Variants in CELSR1 observed in about 807,000 individuals in gnomAD.
CELSR1 encodes adhesion G protein-coupled receptor C1.
In CELSR1, 110 loss-of-function variants were observed where a neutral mutation model predicts 249.1. The observed-to-expected ratio is 0.44, with a 90% confidence interval of 0.38 to 0.52. The LOEUF (loss-of-function observed/expected upper bound fraction) is 0.52, where lower values mean the gene tolerates loss of function less well. CELSR1 is among the 20% of genes least tolerant of loss of function. The probability of loss-of-function intolerance (pLI) is 0.00; values close to 1 mark genes in which losing one functional copy is unlikely to be tolerated. For missense variants in CELSR1, 4,109 were observed against 4,296.4 expected, an observed-to-expected ratio of 0.96 and a Z score of 1.22; for synonymous variants, 2,113 against 1,900.0, an observed-to-expected ratio of 1.11 and a Z score of -2.92.
chr22:46,503,397 C>A (rs1016496050), intron 1 of CELSR1, among the ~76,000 whole-genome samples: 1 of 152,240 alleles, frequency 6.6e-6, no homozygotes, highest in Non-Finnish European at 1.5e-5. Context: ...AGCCTGGGTG[C>A]ACTGATCTCC....
At position 46,460,207 on chromosome 22, in the gene CELSR1, A is replaced by C. The variant is rs12172171; in HGVS notation, c.4183+3500T>G. Among the ~76,000 whole-genome samples the C allele has an allele frequency of 2.1e-4, 19 of 91,414 alleles. No individual in the cohort carries two copies. In the East Asian group the frequency reaches 2.1e-3, roughly 10 times the overall value. 60.0% of individuals were successfully genotyped at this position (91,414 alleles called of 152,430 possible). ...CACACACACACACACACACACACAC[A>C]CACACACACCCATTAGCTACAGTCC... On this transcript the variant is annotated intron_variant, in intron 2 of 34. Transcript: ENST00000674500.
intron 2 of CELSR1, among the ~76,000 whole-genome samples, chr22:46,461,232 T>C (rs750563109): frequency 2.4e-4 from 37 of 152,186 alleles, no homozygotes; most frequent in Non-Finnish European, 4.6e-4. Flanking sequence ...GAAATACATA[T>C]GATAATTTTG....
rs1026894103 is a variant in CELSR1, at chr22:46,374,595, G to A, written c.7585-1538C>T. The stretch of plus-strand genomic sequence containing the variant: ...AGCCGTGCGTGGCTGCCGGGACAGC[G>A]CTCACTCCGGCAGGCGACGAGTCAG... On this transcript the variant is annotated intron_variant, in intron 24 of 34. Coordinates refer to ENST00000674500, the MANE Select transcript of CELSR1 (RefSeq NM_001378328.1). This position sits in a 1 kb window ranked among gnomAD's most constrained non-coding sequence, Gnocchi z 4.3. Among the ~76,000 whole-genome samples the A allele has an allele frequency of 1.3e-5, 2 of 152,124 alleles. No individual in the cohort carries two copies. Among genetic ancestry groups the A allele is most frequent in the African/African-American group, 4.8e-5 (2 of 41,420 alleles).
Position 46,363,796 on chromosome 22 carries a change from G to T in CELSR1, c.9035+200C>A. 1 of 682,060 alleles carries T rather than the reference G, an allele frequency of 1.5e-6. No individual in the cohort carries two copies. The highest frequency in any genetic ancestry group is 2.9e-5 in the East Asian group (1 of 34,590). The allele number at this position is 682,060 out of a possible 1,614,324, so 42.3% of individuals were successfully genotyped here. ...AGGCCTGAGACGTGTCCCCAGGATAGGGGGTCTGCCCATCTCCGGGGTATC... is the reference window on the plus strand; with the variant it reads ...AGGCCTGAGACGTGTCCCCAGGATATGGGGTCTGCCCATCTCCGGGGTATC... On this transcript the variant is annotated intron_variant, in intron 34 of 34. Transcript: ENST00000674500. The surrounding 1 kb of genome is among the most constrained non-coding windows in gnomAD (Gnocchi z 4.3).
rs200276144 is a variant in CELSR1 at position 46,409,687 on chromosome 22, G to A, written c.5059+68C>T. 6.5e-5 allele frequency: 104 copies of A among 1,590,846 alleles called. No individual in the cohort carries two copies. The highest frequency in any genetic ancestry group is 3.3e-4 in the Middle Eastern group (2 of 6,024). On this transcript the variant is annotated intron_variant, in intron 8 of 34. Transcript: ENST00000674500. The surrounding 1 kb of genome is among the most constrained non-coding windows in gnomAD (Gnocchi z 9.8). ...TGTGAAGCCCCCTCACGGTGGTCCC[G>A]GGCACATCAAGGAGCAATGCCTCCC...
In CELSR1 at chr22:46,419,734, C is replaced by T. The variant is rs183688660; in HGVS notation, c.4612-7975G>A. Reference sequence around the variant, plus strand: ...CTCACACTCACGTGTGTACACTCACCCACACTCGTGCATACTCAAACCCAC... The same window carrying T: ...CTCACACTCACGTGTGTACACTCACTCACACTCGTGCATACTCAAACCCAC... On this transcript the variant is annotated intron_variant, in intron 5 of 34. Transcript: ENST00000674500. Among the ~76,000 whole-genome samples, 184 of 152,264 alleles carry T rather than the reference C, an allele frequency of 1.2e-3. 1 individual carries two copies. Among genetic ancestry groups the T allele is most frequent in the Non-Finnish European group, 2.3e-3 (157 of 67,992 alleles).
rs1018388520 is a variant in CELSR1, at chr22:46,440,810, A to C, written c.4184-1399T>G. On this transcript the variant is annotated intron_variant, in intron 2 of 34. Transcript: ENST00000674500. The surrounding 1 kb of genome is among the most constrained non-coding windows in gnomAD (Gnocchi z 4.7). ...AGAAATTTTTTGTCTGTATGTGATCATATTTATCCATTTTTTTCTTCATGG... is the reference window on the plus strand; with the variant it reads ...AGAAATTTTTTGTCTGTATGTGATCCTATTTATCCATTTTTTTCTTCATGG... Among the ~76,000 whole-genome samples the C allele has an allele frequency of 1.3e-5, 2 of 152,098 alleles. No homozygotes were observed. Among genetic ancestry groups the C allele is most frequent in the African/African-American group, 4.8e-5 (2 of 41,412 alleles).
At chr22:46,493,662 A>C (rs987002538) in intron 1 of CELSR1, among the ~76,000 whole-genome samples, 1 of 152,032 alleles carries the variant, frequency 6.6e-6, no homozygotes, top group Admixed American at 6.6e-5. Flanking sequence ...GCAGGGACCC[A>C]GTGGGAGGTA....
In CELSR1 at chr22:46,455,127, G is replaced by A. The variant is rs760113363; in HGVS notation, c.4183+8580C>T. Among the ~76,000 whole-genome samples the A allele has an allele frequency of 3.3e-5, 5 of 152,318 alleles. No homozygotes were observed. In the East Asian group the frequency reaches 5.8e-4, roughly 18 times the overall value. ...CACCTGGGGCTACCAGAAACTGGAC[G>A]AGGCCAGGAGAGGCCCTCTCCTAAA... On this transcript the variant is annotated intron_variant, in intron 2 of 34. Coordinates refer to ENST00000674500, the MANE Select transcript of CELSR1 (RefSeq NM_001378328.1).
Position 46,428,094 on chromosome 22 carries a change from T to A in CELSR1, c.4611+5299A>T, listed in dbSNP as rs183123096. Among the ~76,000 whole-genome samples the A allele has an allele frequency of 3.0e-4, 46 of 152,260 alleles. 1 individual carries two copies. Among genetic ancestry groups the A allele is most frequent in the Admixed American group, 3.0e-3 (46 of 15,306 alleles). ...GGACCTAGCGGTCATCTCAAGGTCA[T>A]GGAAATCTCAAAGCACTTACATCCT... On this transcript the variant is annotated intron_variant, in intron 5 of 34. Transcript: ENST00000674500. The surrounding 1 kb of genome is among the most constrained non-coding windows in gnomAD (Gnocchi z 5.7).
rs1260572375 is a variant in CELSR1 at position 46,402,909 on chromosome 22, C to G, written c.5227-3007G>C. Among the ~76,000 whole-genome samples the G allele has an allele frequency of 1.3e-5, 2 of 151,870 alleles. No individual in the cohort carries two copies. Among genetic ancestry groups the G allele is most frequent in the African/African-American group, 4.8e-5 (2 of 41,318 alleles). On this transcript the variant is annotated intron_variant, in intron 9 of 34. Coordinates refer to ENST00000674500, the MANE Select transcript of CELSR1 (RefSeq NM_001378328.1). The surrounding 1 kb of genome is among the most constrained non-coding windows in gnomAD (Gnocchi z 5.0). Reference sequence around the variant, plus strand: ...TATTAGCACACTGCTTATATTATACCTGAAATATAAGGATACAGAAAATGT... The same window carrying G: ...TATTAGCACACTGCTTATATTATACGTGAAATATAAGGATACAGAAAATGT...
rs556667259 is a variant in CELSR1 at position 46,427,761 on chromosome 22, A to T, written c.4611+5632T>A. On this transcript the variant is annotated intron_variant, in intron 5 of 34. Transcript: ENST00000674500. This position sits in a 1 kb window ranked among gnomAD's most constrained non-coding sequence, Gnocchi z 4.2. ...GGCACTCAATTAACATGGAAGGGAG[A>T]GAAGGAGGGAGGGAAAGGGAAGGCT... Among the ~76,000 whole-genome samples the T allele has an allele frequency of 2.6e-3, 403 of 152,124 alleles. 1 individual carries two copies. Among genetic ancestry groups the T allele is most frequent in the African/African-American group, 9.1e-3 (378 of 41,490 alleles).
In CELSR1 at chr22:46,533,598, C is replaced by A. The variant is rs201015333; in HGVS notation, c.3544+29G>T. On this transcript the variant is annotated intron_variant, in intron 1 of 34. Transcript: ENST00000674500. Reference sequence around the variant, plus strand: ...GGCTCTCCAGGAGGCCCATCAGGAGCTACTCCTCCCACCCCGACGGCCACT... The same window carrying A: ...GGCTCTCCAGGAGGCCCATCAGGAGATACTCCTCCCACCCCGACGGCCACT... The A allele has an allele frequency of 5.6e-4, 848 of 1,526,450 alleles. 7 individuals carry two copies. In the African/African-American group the frequency reaches 0.011, roughly 20 times the overall value. The allele number at this position is 1,526,450 out of a possible 1,614,324, so 94.6% of individuals were successfully genotyped here.
chr22:46,444,148 C>T (rs970109343), intron 2 of CELSR1, among the ~76,000 whole-genome samples: 2 of 152,220 alleles, frequency 1.3e-5, no homozygotes, highest in Admixed American at 6.5e-5. Context: ...CGTAGCTTCC[C>T]GGTCCCACCT....
At position 46,536,561 on chromosome 22, in the gene CELSR1, T is replaced by G; in HGVS notation, c.610A>C (p.Thr204Pro). ...GGCGACGCGGAGGGCGTCCCCGCGG[T>G]GGCGGCCTCCAGCGCCAGTCCCACC... ...VRVGLALEAA[T>P]AGTPSASPSP... Residue 204 changes from threonine to proline, a missense_variant, in exon 1 of 35, where the codon ACC becomes CCC. Coordinates refer to ENST00000674500, the MANE Select transcript of CELSR1 (RefSeq NM_001378328.1). The G allele has an allele frequency of 7.6e-7, 1 of 1,322,080 alleles. No individual in the cohort carries two copies. Among genetic ancestry groups the G allele is most frequent in the Non-Finnish European group, 9.6e-7 (1 of 1,042,450 alleles). The allele number at this position is 1,322,080 out of a possible 1,614,324, so 81.9% of individuals were successfully genotyped here.
Position 46,417,470 on chromosome 22 carries a change from A to G in CELSR1, c.4612-5711T>C, listed in dbSNP as rs761674008. ...TCCGCCAGGTAGCCACCCTCTACAC[A>G]GGGGCTGCCGGCTGCTTTTGATGAC... On this transcript the variant is annotated intron_variant, in intron 5 of 34. Transcript: ENST00000674500. This position sits in a 1 kb window ranked among gnomAD's most constrained non-coding sequence, Gnocchi z 4.1. Among the ~76,000 whole-genome samples, 3 of 152,116 alleles carry G rather than the reference A, an allele frequency of 2.0e-5. No individual in the cohort carries two copies. Among genetic ancestry groups the G allele is most frequent in the Admixed American group, 2.0e-4 (3 of 15,272 alleles).
At chr22:46,491,277 T>TC (rs1207884978) in intron 1 of CELSR1, among the ~76,000 whole-genome samples, 1 of 151,012 alleles carries the variant, frequency 6.6e-6, no homozygotes, top group East Asian at 1.9e-4. Flanking sequence ...TTTTTTTTTT[T>TC]TTTTGAGACA....
At chr22:46,463,635 A>T in intron 2 of CELSR1, 72 bp downstream of exon 2, 1 of 1,416,898 alleles carries the variant, frequency 7.1e-7, no homozygotes, top group Non-Finnish European at 9.2e-7. Context: ...TAAACAGAGG[A>T]AACCACCTGA....
At position 46,488,319 on chromosome 22, in the gene CELSR1, T is replaced by C. The variant is rs924933438; in HGVS notation, c.3545-23974A>G. 6.6e-6 allele frequency among the ~76,000 whole-genome samples: 1 copy of C among 151,862 alleles called. No individual in the cohort carries two copies. The highest frequency in any genetic ancestry group is 2.4e-5 in the African/African-American group (1 of 41,310). ...CCCTGCCCTCCTGGGGACAGGGGGA[T>C]GGTCTTGGGGGATGAGAGTCCCACT... is the stretch of plus-strand genomic sequence containing the variant. On this transcript the variant is annotated intron_variant, in intron 1 of 34. Coordinates refer to ENST00000674500, the MANE Select transcript of CELSR1 (RefSeq NM_001378328.1). This position sits in a 1 kb window ranked among gnomAD's most constrained non-coding sequence, Gnocchi z 4.7.
Sources: allele counts gnomAD v4.1 joint callset (sites outside exome capture counted in the v4.1 genomes callset), GRCh38; gene constraint gnomAD v4.1.1; non-coding constraint Gnocchi (gnomAD v3.1); transcripts MANE v1.5; gene names NCBI Gene and HGNC (gene_info 2026-07-23, HGNC 2026-07-21).